CNTN1: variants seen among roughly 807,000 people sequenced by gnomAD.
CNTN1 encodes contactin-1.
A neutral mutation model predicts 126.4 loss-of-function variants in CNTN1; 38 were observed. The observed-to-expected ratio is 0.30, with a 90% confidence interval of 0.23 to 0.39. The LOEUF (loss-of-function observed/expected upper bound fraction) is 0.39, where lower values mean the gene tolerates loss of function less well. CNTN1 is among the 10% of genes least tolerant of loss of function. The pLI is 1.00. For synonymous variants in CNTN1, 413 were observed against 422.6 expected, an observed-to-expected ratio of 0.98 and a Z score of 0.28; for missense variants, 1,009 against 1,248.4, an observed-to-expected ratio of 0.81 and a Z score of 2.89.
At position 41,042,091 on chromosome 12, in the gene CNTN1, G is replaced by A. The variant is rs571806082; in HGVS notation, c.2980+12872G>A. On this transcript the variant is annotated intron_variant, in intron 23 of 23. Coordinates refer to ENST00000551295, the MANE Select transcript of CNTN1 (RefSeq NM_001843.4). ...TCCCCCTACACACTGCTTTGAATGTGTCCCAGAGATTCTGGTATGTTGTGT... is the reference window on the plus strand; with the variant it reads ...TCCCCCTACACACTGCTTTGAATGTATCCCAGAGATTCTGGTATGTTGTGT... Among the ~76,000 whole-genome samples, 37 of 152,132 alleles carry A rather than the reference G, an allele frequency of 2.4e-4. 1 individual carries two copies. The South Asian group carries it at 7.7e-3, about 32-fold the overall frequency.
chr12:40,703,093 T>A (rs1451416122), intron 1 of CNTN1, among the ~76,000 whole-genome samples: 1 of 152,258 alleles, frequency 6.6e-6, no homozygotes, highest in African/African-American at 2.4e-5. Context: ...CTATGGTAAT[T>A]TATAATCTTA....
intron 16 of CNTN1, among the ~76,000 whole-genome samples, chr12:40,988,303 T>G (rs1948015755): frequency 6.6e-6 from 1 of 152,178 alleles, no homozygotes; most frequent in Non-Finnish European, 1.5e-5. Context: ...TACAAATATT[T>G]GGGTTTTAGA....
chr12:40,950,054 G>A (rs1946610136), intron 14 of CNTN1, among the ~76,000 whole-genome samples: 1 of 151,996 alleles, frequency 6.6e-6, no homozygotes, highest in South Asian at 2.1e-4. Flanking sequence ...TTGGTCCCAT[G>A]TGGAGACATT....
intron 1 of CNTN1, among the ~76,000 whole-genome samples, chr12:40,869,451 T>C (rs1943413483): frequency 6.6e-6 from 1 of 151,920 alleles, no homozygotes. Context: ...GTATTTTTTG[T>C]AGAGACAAGT....
At chr12:40,985,156 T>A (rs894492792) in intron 16 of CNTN1, among the ~76,000 whole-genome samples, 1 of 152,102 alleles carries the variant, frequency 6.6e-6, no homozygotes, top group South Asian at 2.1e-4. Flanking sequence ...TGCTTGGATA[T>A]GATATTCTTG....
At chr12:40,941,071 G>A (rs1281713195) in intron 12 of CNTN1, among the ~76,000 whole-genome samples, 1 of 152,124 alleles carries the variant, frequency 6.6e-6, no homozygotes, top group South Asian at 2.1e-4. Flanking sequence ...ATGTTTCATG[G>A]ACTTGTTTTT....
At chr12:41,023,417 CT>C (rs1239744184) in intron 20 of CNTN1, among the ~76,000 whole-genome samples, 1 of 152,174 alleles carries the variant, frequency 6.6e-6, no homozygotes, top group East Asian at 1.9e-4. Context: ...GAGCTCCCCA[CT>C]TTCAATCTTA....
rs751238908 is a variant in CNTN1 at position 40,961,033 on chromosome 12, G to A, written c.1804+1799G>A. 2.0e-5 allele frequency among the ~76,000 whole-genome samples: 3 copies of A among 152,040 alleles called. No homozygotes were observed. In the East Asian group the frequency reaches 5.8e-4, roughly 29 times the overall value. ...GGAATTTTACAGATGAAATGCAAGG[G>A]TAGTCATGATACTAGCCACACATAC... On this transcript the variant is annotated intron_variant, in intron 15 of 23. Transcript: ENST00000551295.
At chr12:40,985,012 AT>A (rs1947921718) in intron 16 of CNTN1, among the ~76,000 whole-genome samples, 1 of 152,020 alleles carries the variant, frequency 6.6e-6, no homozygotes, top group Non-Finnish European at 1.5e-5. Flanking sequence ...GTTTATTCAA[AT>A]TGCTGTTTGG....
chr12:40,774,458 A>G (rs1207604197), intron 1 of CNTN1, among the ~76,000 whole-genome samples: 1 of 151,714 alleles, frequency 6.6e-6, no homozygotes, highest in Non-Finnish European at 1.5e-5. Flanking sequence ...GAAATTTGCA[A>G]TCTCACAAGA....
intron 4 of CNTN1, among the ~76,000 whole-genome samples, chr12:40,919,957 A>G (rs2136862611): frequency 6.6e-6 from 1 of 152,334 alleles, no homozygotes; most frequent in African/African-American, 2.4e-5. Context: ...GGATCTGTAG[A>G]GGAGATCCAA....
intron 1 of CNTN1, among the ~76,000 whole-genome samples, chr12:40,829,480 GA>G (rs199652469): frequency 0.011 from 1,702 of 151,198 alleles, 30 homozygotes; most frequent in African/African-American, 0.039. Context: ...TATGTTTTGG[GA>G]AAAAAAAGTA....
At chr12:40,837,129 C>G (rs1190922469) in intron 1 of CNTN1, among the ~76,000 whole-genome samples, 1 of 152,100 alleles carries the variant, frequency 6.6e-6, no homozygotes, top group Non-Finnish European at 1.5e-5. Flanking sequence ...AATTTTTATT[C>G]AGATGCTATT....
intron 23 of CNTN1, among the ~76,000 whole-genome samples, chr12:41,048,686 CAA>C (rs1441442581): frequency 3.5e-5 from 5 of 143,782 alleles, no homozygotes; most frequent in African/African-American, 1.3e-4. Context: ...TAAGACAAAA[CAA>C]AACAGAGCAA....
chr12:40,820,759 C>T (rs1443347625), intron 1 of CNTN1, among the ~76,000 whole-genome samples: 2 of 152,160 alleles, frequency 1.3e-5, no homozygotes, highest in East Asian at 1.9e-4. Flanking sequence ...ATGTTGGCAC[C>T]TGATGCATGG....
chr12:40,907,292 CTT>C (rs1375258580), intron 1 of CNTN1, among the ~76,000 whole-genome samples: 7 of 152,198 alleles, frequency 4.6e-5, no homozygotes, highest in African/African-American at 1.7e-4. Context: ...ATGATTAACA[CTT>C]TTTCACGTTT....
chr12:40,996,465 C>A (rs1948221537), intron 17 of CNTN1, among the ~76,000 whole-genome samples: 3 of 152,210 alleles, frequency 2.0e-5, no homozygotes, highest in Admixed American at 2.0e-4. Flanking sequence ...AAATGGGAAT[C>A]ATTTATCTTA....
At chr12:40,713,235 T>C (rs981015783) in intron 1 of CNTN1, among the ~76,000 whole-genome samples, 6 of 150,932 alleles carry the variant, frequency 4.0e-5, no homozygotes, top group African/African-American at 1.5e-4. Flanking sequence ...TTTTTTTTAC[T>C]GCTTTCTCAA....
intron 1 of CNTN1, among the ~76,000 whole-genome samples, chr12:40,759,231 C>T (rs1938736653): frequency 6.6e-6 from 1 of 151,914 alleles, no homozygotes; most frequent in Admixed American, 6.6e-5. Context: ...AGCAAAAGTT[C>T]CTGCTCAGTT....
Sources: gnomAD v4.1 joint callset for allele counts (sites outside exome capture counted in the v4.1 genomes callset) on GRCh38, gnomAD v4.1.1 for gene constraint, MANE v1.5 for transcripts, NCBI Gene and HGNC (gene_info 2026-07-23, HGNC 2026-07-21) for gene names.